The following SLC25A48 variants were observed in gnomAD, a reference collection of about 807,000 sequenced individuals.
The protein encoded by SLC25A48 is solute carrier family 25 member 48.
SLC25A48 carries 29 observed loss-of-function variants against 32.2 expected under a neutral mutation model. The ratio of observed to expected loss-of-function variants is 0.90; its 90% CI spans 0.67 to 1.23. The LOEUF (loss-of-function observed/expected upper bound fraction) is 1.23. Ranked by LOEUF, SLC25A48 falls within the 50% of genes most tolerant of loss-of-function variation. The pLI is 0.00. For missense variants in SLC25A48, 399 were observed against 422.7 expected (o/e 0.94, Z 0.49); for synonymous variants, 164 against 172.3 (o/e 0.95, Z 0.38).
rs1428996201 is a variant in SLC25A48, at chr5:135,629,791, T to C, written c.-709+415T>C. Among the ~76,000 whole-genome samples, 7 of 152,196 alleles carry C rather than the reference T, an allele frequency of 4.6e-5. No homozygotes were observed. The highest frequency in any genetic ancestry group is 1.7e-4 in the African/African-American group (7 of 41,448). On this transcript the variant is annotated intron_variant, in intron 2 of 10. Coordinates refer to the SLC25A48 transcript ENST00000646290. This position sits in a 1 kb window ranked among gnomAD's most constrained non-coding sequence, Gnocchi z 4.8. The stretch of plus-strand genomic sequence containing the variant: ...TCTCAGTGGTAGGGCATGTTAACTC[T>C]CCAGCACTTCTGGCCTGCTCTGCAC...
intron 1 of SLC25A48, among the ~76,000 whole-genome samples, chr5:135,612,822 T>C (rs1315921019): frequency 1.3e-5 from 2 of 152,258 alleles, no homozygotes; most frequent in African/African-American, 4.8e-5. Context: ...CATTTGTCCA[T>C]TGATGGACCT....
At chr5:135,628,719 T>C (rs1209706900) in intron 1 of SLC25A48, among the ~76,000 whole-genome samples, 1 of 150,676 alleles carries the variant, frequency 6.6e-6, no homozygotes, top group Non-Finnish European at 1.5e-5. Context: ...CCCAGGAATA[T>C]GGCAGAACAG....
intron 4 of SLC25A48, among the ~76,000 whole-genome samples, chr5:135,817,729 A>C (rs1757762564): frequency 6.6e-6 from 1 of 152,254 alleles, no homozygotes; most frequent in Admixed American, 6.5e-5. Context: ...TAAAAAGTCA[A>C]GGCACAACCT....
intron 1 of SLC25A48, among the ~76,000 whole-genome samples, chr5:135,586,908 C>T (rs1013686998): frequency 6.6e-6 from 1 of 152,042 alleles, no homozygotes; most frequent in Non-Finnish European, 1.5e-5. Context: ...TTCGGTTTTG[C>T]CTTATGAGAA....
upstream of SLC25A48, among the ~76,000 whole-genome samples, chr5:135,832,451 G>T (rs1580936524): frequency 6.6e-6 from 1 of 152,140 alleles, no homozygotes; most frequent in East Asian, 1.9e-4. Context: ...AGGTGGACAT[G>T]GGGAGGGGAT....
intron 3 of SLC25A48, among the ~76,000 whole-genome samples, chr5:135,763,374 G>A (rs1338678191): frequency 6.6e-6 from 1 of 152,042 alleles, no homozygotes; most frequent in Non-Finnish European, 1.5e-5. Context: ...ACTTCATGGT[G>A]TCATCCCCCT....
At chr5:135,712,134 C>T (rs1217126173) in intron 3 of SLC25A48, among the ~76,000 whole-genome samples, 2 of 152,198 alleles carry the variant, frequency 1.3e-5, no homozygotes, top group Non-Finnish European at 2.9e-5. Flanking sequence ...GGGATTGTAT[C>T]TCCCGCCAGG....
intron 1 of SLC25A48, among the ~76,000 whole-genome samples, chr5:135,617,121 G>A (rs1752208499): frequency 1.3e-5 from 2 of 152,020 alleles, no homozygotes; most frequent in Non-Finnish European, 2.9e-5. Context: ...TTTTATTACT[G>A]ATTGAATCTC....
chr5:135,656,499 T>A, intron 3 of SLC25A48, among the ~76,000 whole-genome samples: 1 of 152,150 alleles, frequency 6.6e-6, no homozygotes, highest in East Asian at 1.9e-4. Context: ...ATGGAACCCC[T>A]GAGACACCAT....
At chr5:135,585,256 A>G (rs1192300782) in intron 1 of SLC25A48, among the ~76,000 whole-genome samples, 4 of 152,194 alleles carry the variant, frequency 2.6e-5, no homozygotes, top group African/African-American at 9.7e-5. Flanking sequence ...GCCCTGTTCC[A>G]TGTTTGCAGC....
chr5:135,837,922 G>A (rs1758665953), intron 1 of SLC25A48, among the ~76,000 whole-genome samples: 1 of 152,208 alleles, frequency 6.6e-6, no homozygotes, highest in East Asian at 1.9e-4. Context: ...ACCTGAAAAT[G>A]TGGAAGCAAC....
chr5:135,843,043 C>T (rs1759133367), intron 2 of SLC25A48, among the ~76,000 whole-genome samples: 1 of 152,216 alleles, frequency 6.6e-6, no homozygotes, highest in Non-Finnish European at 1.5e-5. Flanking sequence ...GCTGCAATGT[C>T]CTTTCTCCCC....
chr5:135,707,798 T>C (rs2126971632), intron 3 of SLC25A48, among the ~76,000 whole-genome samples: 1 of 152,348 alleles, frequency 6.6e-6, no homozygotes, highest in African/African-American at 2.4e-5. Flanking sequence ...ATGTGTTGAT[T>C]GTCTCTTTCC....
Position 135,879,802 on chromosome 5 carries a change from C to G in SLC25A48, c.814-166C>G, listed in dbSNP as rs371915911. On this transcript the variant is annotated intron_variant, in intron 6 of 7. Coordinates refer to ENST00000681962, the MANE Select transcript of SLC25A48 (RefSeq NM_001349336.2). ...AGGCATGACGCGGGTCAGGGCAGGG[C>G]ATGACTGGGACTTCCCTGTGTGGTC... 7.8e-4 allele frequency among the ~76,000 whole-genome samples: 119 copies of G among 152,312 alleles called. 1 individual carries two copies. Among genetic ancestry groups the G allele is most frequent in the Non-Finnish European group, 1.6e-4 (11 of 68,018 alleles).
intron 1 of SLC25A48, among the ~76,000 whole-genome samples, chr5:135,582,041 G>C (rs990365238): frequency 2.6e-5 from 4 of 152,196 alleles, no homozygotes; most frequent in African/African-American, 9.7e-5. Flanking sequence ...CACATGCCTT[G>C]CCTGTGTGTG....
Position 135,758,843 on chromosome 5 carries a change from T to C in SLC25A48, c.-520-53680T>C, listed in dbSNP as rs576811718. Among the ~76,000 whole-genome samples, 3 of 150,836 alleles carry C rather than the reference T, an allele frequency of 2.0e-5. No homozygotes were observed. The South Asian group carries it at 6.3e-4, about 32-fold the overall frequency. ...ACACTATGATATTAATAGAATATTA[T>C]CTATGCTATAAATAATATCAAACAT... On this transcript the variant is annotated intron_variant, in intron 3 of 10. Transcript: ENST00000646290.
At chr5:135,624,180 G>T (rs564370201) in intron 1 of SLC25A48, among the ~76,000 whole-genome samples, 11 of 152,308 alleles carry the variant, frequency 7.2e-5, no homozygotes, top group Admixed American at 2.6e-4. Context: ...GAGTTGTTGG[G>T]CAGGGTGGAT....
chr5:135,679,496 A>G (rs1753843524), intron 3 of SLC25A48, among the ~76,000 whole-genome samples: 1 of 152,202 alleles, frequency 6.6e-6, no homozygotes, highest in South Asian at 2.1e-4. Context: ...TGGTGGCAGT[A>G]ACCATATGCA....
chr5:135,695,173 G>A (rs953308041), intron 3 of SLC25A48, among the ~76,000 whole-genome samples: 4 of 152,134 alleles, frequency 2.6e-5, no homozygotes, highest in African/African-American at 9.7e-5. Flanking sequence ...TCATTCATGA[G>A]TCAACTCCAA....
Sources: allele counts gnomAD v4.1 joint callset (sites outside exome capture counted in the v4.1 genomes callset), GRCh38; gene constraint gnomAD v4.1.1; non-coding constraint Gnocchi (gnomAD v3.1); transcripts MANE v1.5; gene names NCBI Gene and HGNC (gene_info 2026-07-23, HGNC 2026-07-21).